Variants in COTL1 observed in about 807,000 individuals in gnomAD.
The protein encoded by COTL1 is coactosin-like protein.
COTL1 carries 15 observed loss-of-function variants against 16.5 expected under a neutral mutation model. The ratio of observed to expected loss-of-function variants is 0.91; its 90% CI spans 0.61 to 1.40. COTL1 has a LOEUF of 1.40. Ranked by LOEUF, COTL1 falls within the 40% of genes most tolerant of loss-of-function variation. COTL1 has a pLI of 0.00. For synonymous variants in COTL1, 112 were observed against 85.3 expected (o/e 1.31, Z -1.73); for missense variants, 220 against 201.5 (o/e 1.09, Z -0.56).
At chr16:84,611,430 G>GGGAGGTGGCT (rs1567541165) in intron 2 of COTL1, among the ~76,000 whole-genome samples, 1 of 152,206 alleles carries the variant, frequency 6.6e-6, no homozygotes, top group Non-Finnish European at 1.5e-5. Context: ...CAGTTGTTGT[G>GGGAGGTGGCT]GGAGGTGGCT....
At chr16:84,573,195 C>G (rs748266158) in intron 3 of COTL1, among the ~76,000 whole-genome samples, 1 of 152,210 alleles carries the variant, frequency 6.6e-6, no homozygotes, top group African/African-American at 2.4e-5. Context: ...AAGGTACTGA[C>G]GAGGTCCTTT....
intron 2 of COTL1, chr16:84,616,340 A>G (rs1441500746): frequency 2.0e-5 from 3 of 152,062 alleles, no homozygotes; most frequent in African/African-American, 7.3e-5. Context: ...CATCTCTACT[A>G]AAATTACAAA....
intron 2 of COTL1, chr16:84,615,881 G>A (rs936552054): frequency 2.7e-5 from 3 of 109,836 alleles, no homozygotes; most frequent in Admixed American, 8.8e-5. Context: ...GTGTGTGCGC[G>A]CACGCGGGTT....
chr16:84,573,241 T>C (rs1183848938), intron 3 of COTL1, among the ~76,000 whole-genome samples: 4 of 152,280 alleles, frequency 2.6e-5, no homozygotes, highest in Non-Finnish European at 4.4e-5. Flanking sequence ...TTAGAAACGC[T>C]GTGTGCCCTC....
intron 3 of COTL1, among the ~76,000 whole-genome samples, chr16:84,570,233 G>A (rs536198708): frequency 2.2e-4 from 33 of 152,262 alleles, no homozygotes; most frequent in Non-Finnish European, 4.1e-4. Context: ...CCAAGATGGC[G>A]CCACTGCACT....
chr16:84,581,164 A>ATGTATGTATGTATGTACGTATGT (rs1391540848), intron 3 of COTL1, among the ~76,000 whole-genome samples: 10 of 146,910 alleles, frequency 6.8e-5, no homozygotes, highest in Non-Finnish European at 1.2e-4. Context: ...CAAACAAATA[A>ATGTATGTATGTATGTACGTATGT]ATATATGTAT....
chr16:84,586,189 G>A (rs1004064126), intron 3 of COTL1, among the ~76,000 whole-genome samples: 3 of 152,148 alleles, frequency 2.0e-5, no homozygotes, highest in African/African-American at 7.2e-5. Flanking sequence ...ACAGAACTGA[G>A]AGATGAGATG....
At chr16:84,603,841 C>T (rs2150693802) in intron 2 of COTL1, among the ~76,000 whole-genome samples, 1 of 152,046 alleles carries the variant, frequency 6.6e-6, no homozygotes, top group Non-Finnish European at 1.5e-5. Context: ...TCTAGGAGGA[C>T]ATGAAACAAA....
At chr16:84,581,538 T>C (rs1904593511) in intron 3 of COTL1, among the ~76,000 whole-genome samples, 1 of 152,132 alleles carries the variant, frequency 6.6e-6, no homozygotes, top group African/African-American at 2.4e-5. Context: ...AGTATCACTC[T>C]GTCACCGAGG....
chr16:84,600,033 C>A (rs1168065981), intron 2 of COTL1, among the ~76,000 whole-genome samples: 2 of 152,090 alleles, frequency 1.3e-5, no homozygotes, highest in African/African-American at 4.8e-5. Context: ...GGGAGGGGGC[C>A]TGAGGCTGGG....
At chr16:84,603,333 T>A (rs768180063) in intron 2 of COTL1, among the ~76,000 whole-genome samples, 1 of 152,220 alleles carries the variant, frequency 6.6e-6, no homozygotes, top group South Asian at 2.1e-4. Context: ...CCCAAAGGAC[T>A]GAGGCAACGA....
chr16:84,583,230 T>C (rs766019589), intron 3 of COTL1, among the ~76,000 whole-genome samples: 11 of 152,312 alleles, frequency 7.2e-5, no homozygotes, highest in Admixed American at 2.0e-4. Context: ...CCCAAGCTCC[T>C]CATCTATAAA....
chr16:84,586,345 A>C (rs1468407556), intron 3 of COTL1, among the ~76,000 whole-genome samples: 1 of 152,154 alleles, frequency 6.6e-6, no homozygotes, highest in Non-Finnish European at 1.5e-5. Flanking sequence ...TCCCACCTAA[A>C]GGTTCCCAGC....
intron 2 of COTL1, chr16:84,616,015 T>A (rs576747184): frequency 6.6e-6 from 1 of 152,300 alleles, no homozygotes; most frequent in Admixed American, 6.5e-5. Flanking sequence ...CCTGGCACAA[T>A]TTTGTACTTT....
chr16:84,588,221 AAAT>A (rs57708132), intron 3 of COTL1, among the ~76,000 whole-genome samples: 8 of 150,258 alleles, frequency 5.3e-5, no homozygotes, highest in Admixed American at 1.3e-4. Context: ...TCTCTCTTAA[AAAT>A]AATAATAATA....
intron 3 of COTL1, among the ~76,000 whole-genome samples, chr16:84,573,880 C>T (rs1253122992): frequency 2.0e-5 from 3 of 151,894 alleles, no homozygotes; most frequent in Non-Finnish European, 2.9e-5. Context: ...GGAGGTGGGG[C>T]GCTGTGGCTC....
chr16:84,597,743 C>T (rs1905035437), intron 2 of COTL1, among the ~76,000 whole-genome samples: 1 of 152,194 alleles, frequency 6.6e-6, no homozygotes, highest in African/African-American at 2.4e-5. Context: ...CTCCTTGCTG[C>T]CTGTCTGCCT....
At chr16:84,615,248 TCATGAGGATCCACACACAG>T (rs1905441849) in intron 2 of COTL1, among the ~76,000 whole-genome samples, 2 of 152,138 alleles carry the variant, frequency 1.3e-5, no homozygotes. Flanking sequence ...CATGGCCCAT[TCATGAGGATCCACACACAG>T]CAGGGAAGCA....
intron 2 of COTL1, among the ~76,000 whole-genome samples, chr16:84,593,478 G>A (rs1300062045): frequency 1.7e-5 from 1 of 59,582 alleles, no homozygotes; most frequent in African/African-American, 7.1e-5. Flanking sequence ...TCTTTATTGA[G>A]ATAAAAGTCA....
Sources: gnomAD v4.1 joint callset for allele counts (sites outside exome capture counted in the v4.1 genomes callset) on GRCh38, gnomAD v4.1.1 for gene constraint, MANE v1.5 for transcripts, NCBI Gene and HGNC (gene_info 2026-07-23, HGNC 2026-07-21) for gene names.